The following B4GALT6 variants were observed in gnomAD, a reference collection of about 807,000 sequenced individuals.
B4GALT6 encodes the protein beta-1,4-galactosyltransferase 6.
B4GALT6 carries 14 observed loss-of-function variants against 46.3 expected under a neutral mutation model. The observed-to-expected ratio is 0.30, with a 90% CI of 0.20 to 0.47. B4GALT6 has a LOEUF of 0.47. Among genes scored for constraint, B4GALT6 ranks in the 20% least tolerant of loss-of-function variants. The pLI, the probability that B4GALT6 is intolerant of heterozygous loss-of-function variation, is 0.99. For synonymous variants in B4GALT6, 168 were observed against 162.0 expected, an observed-to-expected ratio of 1.04 and a Z score of -0.28; for missense variants, 386 against 480.1, an observed-to-expected ratio of 0.80 and a Z score of 1.83.
the B4GALT6 span, chr18:31,724,559 G>C: frequency 9.6e-7 from 1 of 1,038,360 alleles, no homozygotes. Flanking sequence ...CTTTGGCTCA[G>C]AGTTTGGTTC....
intron 6 of B4GALT6, among the ~76,000 whole-genome samples, chr18:31,630,524 A>G (rs1432508838): frequency 6.6e-6 from 1 of 151,960 alleles, no homozygotes; most frequent in Non-Finnish European, 1.5e-5. Flanking sequence ...ACTGGGGGAG[A>G]GCAGGCAGGA....
chr18:31,651,650 C>CA (rs1567969942), intron 3 of B4GALT6, among the ~76,000 whole-genome samples: 9 of 152,222 alleles, frequency 5.9e-5, no homozygotes, highest in Admixed American at 5.9e-4. Context: ...GGGGAGGAGG[C>CA]ATTCCTGAGG....
At position 31,684,366 on chromosome 18, in the gene B4GALT6, A is replaced by G; in HGVS notation, c.61T>C (p.Phe21Leu). 1 of 1,613,960 alleles carries G rather than the reference A, an allele frequency of 6.2e-7. No homozygotes were observed. Among genetic ancestry groups the G allele is most frequent in the Non-Finnish European group, 8.5e-7 (1 of 1,179,938 alleles). ...AGACAGGACGAAGAGAGGGAGAAGA[A>G]GAAGATGAAGGCGAGGAGAGAGCGA... Reference protein sequence around the residue: ...SNRSLLAFIFFFSLSSSCLYF... With the variant: ...SNRSLLAFIFLFSLSSSCLYF... The change falls in exon 1 of 9, where the codon TTC becomes CTC. Residue 21 changes from phenylalanine (F) to leucine (L), a missense_variant. Coordinates refer to ENST00000306851, the MANE Select transcript of B4GALT6 (RefSeq NM_004775.5).
chr18:31,693,391 G>C, the B4GALT6 span, among the ~76,000 whole-genome samples: 1 of 152,134 alleles, frequency 6.6e-6, no homozygotes, highest in Non-Finnish European at 1.5e-5. Context: ...AGATGAATAT[G>C]TAAATAGCTG....
At chr18:31,684,989 G>A (rs1193609019), upstream of B4GALT6, among the ~76,000 whole-genome samples, 1 of 147,048 alleles carries the variant, frequency 6.8e-6, no homozygotes, top group East Asian at 2.0e-4. Flanking sequence ...GCTAGCGTGG[G>A]CGCCGGGGCC....
intron 2 of B4GALT6, among the ~76,000 whole-genome samples, chr18:31,662,294 G>C (rs1005447394): frequency 6.6e-6 from 1 of 152,160 alleles, no homozygotes; most frequent in Admixed American, 6.5e-5. Context: ...GCCAGACTTA[G>C]AGAAACACCT....
chr18:31,718,337 C>T, the B4GALT6 span, among the ~76,000 whole-genome samples: 3 of 152,222 alleles, frequency 2.0e-5, no homozygotes, highest in African/African-American at 7.2e-5. Flanking sequence ...CAACAGCCAT[C>T]TGTACTAAAA....
rs914225321 is a variant in B4GALT6, at chr18:31,657,976, G to A, written c.346C>T (p.Arg116Ter). The change falls in exon 3 of 9, where the codon CGA becomes TGA. Residue 116 changes from arginine to a stop codon, truncating the protein, a stop_gained and splice_region_variant. Coordinates refer to ENST00000306851, the MANE Select transcript of B4GALT6 (RefSeq NM_004775.5). LOFTEE classifies it high-confidence loss of function. The part of the protein sequence containing the change: ...LPCPEKLPYM[R>*]GFLNVNVSEV... ...AAGTCAAAATTAGATGACGACTTAC[G>A]CATATAAGGCAGCTTTTCTGGACAG... 12 of 1,604,012 alleles carry A rather than the reference G, an allele frequency of 7.5e-6. No homozygotes were observed. Among genetic ancestry groups the A allele is most frequent in the South Asian group, 2.2e-5 (2 of 90,478 alleles).
chr18:31,662,856 C>T lies in B4GALT6; in HGVS notation c.232+3400G>A, dbSNP rs989383968. Among the ~76,000 whole-genome samples the T allele has an allele frequency of 2.6e-5, 4 of 151,934 alleles. No homozygotes were observed. In the East Asian group the frequency reaches 7.7e-4, roughly 29 times the overall value. On this transcript the variant is annotated intron_variant, in intron 2 of 8. Coordinates refer to ENST00000306851, the MANE Select transcript of B4GALT6 (RefSeq NM_004775.5). The stretch of plus-strand genomic sequence containing the variant: ...ACTCTGTCTCAAAAAAAAACAAAAA[C>T]AAAAAAACCCACAAAATCATTATTC...
At chr18:31,678,535 A>T (rs2074442189) in intron 1 of B4GALT6, among the ~76,000 whole-genome samples, 1 of 152,254 alleles carries the variant, frequency 6.6e-6, no homozygotes, top group African/African-American at 2.4e-5. Context: ...CAGTAGAATG[A>T]GTCAGGAATC....
At chr18:31,638,801 A>T (rs1167612667) in intron 4 of B4GALT6, 41 bp from the exon 5 acceptor site, 2 of 1,456,964 alleles carry the variant, frequency 1.4e-6, no homozygotes, top group Non-Finnish European at 1.9e-6. Context: ...AAATATATCT[A>T]CCACATCCTA....
the B4GALT6 span, among the ~76,000 whole-genome samples, chr18:31,705,260 C>T: frequency 1.3e-5 from 2 of 152,174 alleles, no homozygotes; most frequent in African/African-American, 2.4e-5. Context: ...TAAAAGTTAT[C>T]ATCTAAAACT....
Position 31,625,565 on chromosome 18 carries a change from A to G in B4GALT6, c.*49T>C. On this transcript the variant is annotated 3_prime_UTR_variant, in exon 9 of 9. Coordinates refer to ENST00000306851, the MANE Select transcript of B4GALT6 (RefSeq NM_004775.5). ...TGACCTCCACTAAGAGCGCGCTCCAAGTTTATGATCCAGCATTGTGGTCTA... is the reference window on the plus strand; with the variant it reads ...TGACCTCCACTAAGAGCGCGCTCCAGGTTTATGATCCAGCATTGTGGTCTA... The G allele has an allele frequency of 6.2e-6, 10 of 1,605,146 alleles. No homozygotes were observed. The highest frequency in any genetic ancestry group is 8.5e-6 in the Non-Finnish European group (10 of 1,176,640).
the B4GALT6 span, among the ~76,000 whole-genome samples, chr18:31,701,636 C>A: frequency 5.9e-5 from 9 of 151,782 alleles, no homozygotes; most frequent in African/African-American, 2.2e-4. Context: ...ATGTTTTAAA[C>A]GTAAAAATGT....
intron 8 of B4GALT6, 100 bp from the exon 9 acceptor site, chr18:31,625,861 A>T: frequency 1.1e-6 from 1 of 935,904 alleles, no homozygotes; most frequent in Non-Finnish European, 1.5e-6. Context: ...TAAAGCACTT[A>T]ATGCCCTTTA....
intron 4 of B4GALT6, among the ~76,000 whole-genome samples, chr18:31,640,432 A>G (rs1364464012): frequency 6.6e-6 from 1 of 152,236 alleles, no homozygotes; most frequent in African/African-American, 2.4e-5. Flanking sequence ...ATTTATAAAG[A>G]GAACAAAAAA....
intron 1 of B4GALT6, among the ~76,000 whole-genome samples, chr18:31,681,435 GT>G (rs1432192195): frequency 6.6e-6 from 1 of 152,190 alleles, no homozygotes; most frequent in Non-Finnish European, 1.5e-5. Flanking sequence ...CTGCCATCCA[GT>G]TTCCCTGAGT....
intron 5 of B4GALT6, among the ~76,000 whole-genome samples, chr18:31,633,278 C>T (rs567034031): frequency 1.3e-5 from 2 of 152,080 alleles, no homozygotes; most frequent in Admixed American, 6.5e-5. Flanking sequence ...AGCAGGTGGA[C>T]GTCGAGAGGA....
At chr18:31,635,408 TA>T (rs1224374977) in intron 5 of B4GALT6, among the ~76,000 whole-genome samples, 1 of 152,088 alleles carries the variant, frequency 6.6e-6, no homozygotes, top group African/African-American at 2.4e-5. Context: ...ACTTGTTAGG[TA>T]AAACAAGTCA....
Sources: allele counts gnomAD v4.1 joint callset (sites outside exome capture counted in the v4.1 genomes callset), GRCh38; gene constraint gnomAD v4.1.1; transcripts MANE v1.5; gene names NCBI Gene and HGNC (gene_info 2026-07-23, HGNC 2026-07-21).